Variants in CYBA observed in about 807,000 individuals in gnomAD.
CYBA encodes the protein cytochrome b-245 light chain.
In CYBA, 21 loss-of-function variants were observed where a neutral mutation model predicts 20.8. The observed-to-expected ratio is 1.01, with a 90% confidence interval of 0.72 to 1.46. The LOEUF is 1.46. Among genes scored for constraint, CYBA ranks in the 40% most tolerant of loss-of-function variants. CYBA has a pLI of 0.00. For synonymous variants in CYBA, 164 were observed against 127.5 expected (o/e 1.29, Z -1.93); for missense variants, 344 against 287.0 (o/e 1.20, Z -1.43).
At chr16:88,650,191 T>C in intron 1 of CYBA, 1 of 355,322 alleles carries the variant, frequency 2.8e-6, no homozygotes, top group Non-Finnish European at 5.7e-6. Flanking sequence ...CCGGTGCAGG[T>C]CCTTCCTGGA....
chr16:88,648,194 G>T, intron 1 of CYBA, 80 bp from the exon 2 acceptor site: 2 of 1,349,968 alleles, frequency 1.5e-6, no homozygotes, highest in South Asian at 1.2e-5. Flanking sequence ...CCTACTGTGG[G>T]CCACCAGGCC....
At position 88,643,936 on chromosome 16, in the gene CYBA, G is replaced by T. The variant is rs979394423; in HGVS notation, c.370-365C>A. Among the ~76,000 whole-genome samples, 6 of 152,164 alleles carry T rather than the reference G, an allele frequency of 3.9e-5. No individual in the cohort carries two copies. The highest frequency in any genetic ancestry group is 7.4e-5 in the Non-Finnish European group (5 of 68,018). Reference sequence around the variant, plus strand: ...GGCCCGAGGTCCAGCAGGAGGGGTGGCCCAGGAGAGTAGCAGGCCCTGCTC... The same window carrying T: ...GGCCCGAGGTCCAGCAGGAGGGGTGTCCCAGGAGAGTAGCAGGCCCTGCTC... On this transcript the variant is annotated intron_variant, in intron 5 of 5. Coordinates refer to ENST00000261623, the MANE Select transcript of CYBA (RefSeq NM_000101.4). This position sits in a 1 kb window ranked among gnomAD's most constrained non-coding sequence, Gnocchi z 4.3.
At chr16:88,645,327 G>A (rs72558367) in intron 5 of CYBA, 11 of 702,426 alleles carry the variant, frequency 1.6e-5, no homozygotes, top group African/African-American at 8.7e-5. Context: ...TTCCATACGC[G>A]GAAGGCGTAC....
At chr16:88,648,175 C>G in intron 1 of CYBA, 61 bp from the exon 2 acceptor site, 1 of 1,503,212 alleles carries the variant, frequency 6.7e-7, no homozygotes, top group East Asian at 2.4e-5. Flanking sequence ...GGGCCACCCC[C>G]CTTCTCTACC....
intron 1 of CYBA, chr16:88,650,443 T>A (rs978234112): frequency 2.2e-6 from 1 of 458,458 alleles, no homozygotes; most frequent in Non-Finnish European, 4.4e-6. Context: ...TTCGGCGCCT[T>A]GTGAAATCTC....
rs1226872151 is a variant in CYBA at position 88,643,308 on chromosome 16, A to T, written c.*45T>A. 1.5e-6 allele frequency: 2 copies of T among 1,369,122 alleles called. No homozygotes were observed. 84.8% of individuals were successfully genotyped at this position (1,369,122 alleles called of 1,614,324 possible). On this transcript the variant is annotated 3_prime_UTR_variant, in exon 6 of 6. Transcript: ENST00000261623. This position sits in a 1 kb window ranked among gnomAD's most constrained non-coding sequence, Gnocchi z 4.3. ...ACGCGCTCCCGGCTTCGCTGCATTT[A>T]TTGCAGGTGGGTGCACCTGGCGGGA...
intron 5 of CYBA, chr16:88,644,752 G>C (rs189030435): frequency 5.0e-6 from 1 of 199,934 alleles, no homozygotes; most frequent in African/African-American, 2.3e-5. Flanking sequence ...TTGAACCCAG[G>C]AGGCGAAGGT....
chr16:88,647,036 A>G, intron 3 of CYBA, 65 bp downstream of exon 3: 1 of 1,478,166 alleles, frequency 6.8e-7, no homozygotes. Flanking sequence ...AGCTCCACCC[A>G]ACCCTGTGAG....
chr16:88,650,542 TCCA>T (rs1225675824), intron 1 of CYBA: 1 of 483,928 alleles, frequency 2.1e-6, no homozygotes. Flanking sequence ...GAGAGCGACC[TCCA>T]GGCCAGCTGG....
intron 2 of CYBA, chr16:88,647,810 C>T (rs1010927845): frequency 1.7e-5 from 10 of 600,946 alleles, no homozygotes; most frequent in Non-Finnish European, 2.7e-5. Context: ...TCTGGTGACA[C>T]CCCCTGCCCA....
At position 88,643,631 on chromosome 16, in the gene CYBA, TCCCCGGAGGCCCA is replaced by T; in HGVS notation, c.370-73_370-61del. The T allele has an allele frequency of 9.7e-7, 1 of 1,032,254 alleles. No homozygotes were observed. The allele number at this position is 1,032,254 out of a possible 1,614,324, so 63.9% of individuals were successfully genotyped here. A position where few individuals can be genotyped will look rare whatever the true frequency, so the allele number is the denominator to read the frequency against. On this transcript the variant is annotated intron_variant, in intron 5 of 5. Coordinates refer to ENST00000261623, the MANE Select transcript of CYBA (RefSeq NM_000101.4). This position sits in a 1 kb window ranked among gnomAD's most constrained non-coding sequence, Gnocchi z 4.3. ...CGCCCGCCCTCCCTCCCTCCCTCCC[TCCCCGGAGGCCCA>T]CCCCGCTAGGGGCCCTGGGACAGGC...
chr16:88,649,713 C>T (rs979291514), intron 1 of CYBA, among the ~76,000 whole-genome samples: 6 of 152,222 alleles, frequency 3.9e-5, no homozygotes, highest in Non-Finnish European at 7.4e-5. Context: ...AAAGGAAGCA[C>T]GGCAGCTGGA....
chr16:88,649,099 G>T (rs369635984), intron 1 of CYBA, among the ~76,000 whole-genome samples: 6 of 151,058 alleles, frequency 4.0e-5, no homozygotes, highest in Admixed American at 1.3e-4. Flanking sequence ...CACCATACCC[G>T]GCTAATTTTT....
rs1329076715 is a variant in CYBA at position 88,643,504 on chromosome 16, C to T, written c.437G>A (p.Gly146Asp). Residue 146 changes from glycine to aspartate, a missense_variant, in exon 6 of 6, where the codon GGC (glycine) becomes GAC (aspartate). Gly to Asp is a moderately conservative substitution (Grantham distance 94). Transcript: ENST00000261623. The surrounding 1 kb of genome is among the most constrained non-coding windows in gnomAD (Gnocchi z 4.3). ...PKPRERPQIGGTIKQPPSNPP... is the reference protein window; with the variant it reads ...PKPRERPQIGDTIKQPPSNPP... Reference sequence around the variant, plus strand: ...GTTGCTGGGCGGCTGCTTGATGGTGCCTCCGATCTGCGGCCGCTCCCGGGG... The same window carrying T: ...GTTGCTGGGCGGCTGCTTGATGGTGTCTCCGATCTGCGGCCGCTCCCGGGG... The T allele has an allele frequency of 2.0e-6, 3 of 1,534,476 alleles. No homozygotes were observed. Among genetic ancestry groups the T allele is most frequent in the African/African-American group, 1.4e-5 (1 of 72,820 alleles).
intron 5 of CYBA, chr16:88,645,278 G>A (rs1907237008): frequency 1.4e-6 from 1 of 702,344 alleles, no homozygotes. Flanking sequence ...GGAGAGTTCT[G>A]CCGGTGGCAG....
Position 88,643,464 on chromosome 16 carries a change from G to A in CYBA, c.477C>T (p.Pro159=), listed in dbSNP as rs1907157751. 3 of 1,532,398 alleles carry A rather than the reference G, an allele frequency of 2.0e-6. No homozygotes were observed. Among genetic ancestry groups the A allele is most frequent in the Non-Finnish European group, 1.7e-6 (2 of 1,144,104 alleles). The allele number at this position is 1,532,398 out of a possible 1,614,324, so 94.9% of individuals were successfully genotyped here. A position where few individuals can be genotyped will look rare whatever the true frequency, so the allele number is the denominator to read the frequency against. Reference sequence around the variant, plus strand: ...TGGGCTTCTTGCGGGCCTCGGCCGGGGGCCGCGGCGGGGGGTTGCTGGGCG... The same window carrying A: ...TGGGCTTCTTGCGGGCCTCGGCCGGAGGCCGCGGCGGGGGGTTGCTGGGCG... The part of the protein sequence containing the change: ...KQPPSNPPPR[P]PAEARKKPSE... Residue 159 remains proline, a synonymous_variant, in exon 6 of 6, where the codon CCC becomes CCT. Coordinates refer to ENST00000261623, the MANE Select transcript of CYBA (RefSeq NM_000101.4). The surrounding 1 kb of genome is among the most constrained non-coding windows in gnomAD (Gnocchi z 4.3).
chr16:88,644,377 A>G lies in CYBA; in HGVS notation c.370-806T>C, dbSNP rs546480833. ...TTTCACAAAGCACAGACCATAGAGCAGGTGAACAGGGAAACCTCTGCTCTT... is the reference window on the plus strand; with the variant it reads ...TTTCACAAAGCACAGACCATAGAGCGGGTGAACAGGGAAACCTCTGCTCTT... On this transcript the variant is annotated intron_variant, in intron 5 of 5. Coordinates refer to ENST00000261623, the MANE Select transcript of CYBA (RefSeq NM_000101.4). 1.7e-3 allele frequency among the ~76,000 whole-genome samples: 255 copies of G among 152,368 alleles called. 1 individual carries two copies. Among genetic ancestry groups the G allele is most frequent in the African/African-American group, 5.8e-3 (243 of 41,582 alleles).
intron 1 of CYBA, 148 bp downstream of exon 1, chr16:88,650,808 G>T (rs1263216358): frequency 4.9e-6 from 4 of 808,532 alleles, no homozygotes; most frequent in African/African-American, 1.7e-5. Flanking sequence ...TCCCGCCCCC[G>T]TTCCCCGCAC....
intron 1 of CYBA, chr16:88,650,652 G>T (rs572800294): frequency 5.2e-6 from 3 of 580,572 alleles, no homozygotes; most frequent in East Asian, 3.2e-5. Flanking sequence ...GGGCTGAACC[G>T]CCTCTTCCCC....
Sources: gnomAD v4.1 joint callset for allele counts (sites outside exome capture counted in the v4.1 genomes callset) on GRCh38, gnomAD v4.1.1 for gene constraint, Gnocchi (gnomAD v3.1) non-coding constraint, MANE v1.5 for transcripts, NCBI Gene and HGNC (gene_info 2026-07-23, HGNC 2026-07-21) for gene names.